The following MTERF4 variants were observed in gnomAD, a reference collection of about 807,000 sequenced individuals.
MTERF4 encodes the protein transcription termination factor 4, mitochondrial.
Under a neutral mutation model 22.5 loss-of-function variants are expected in MTERF4, and 17 were observed. The observed-to-expected ratio is 0.75, with a 90% CI of 0.52 to 1.13. The LOEUF (loss-of-function observed/expected upper bound fraction) is 1.13, where lower values mean the gene tolerates loss of function less well. Ranked by LOEUF, MTERF4 falls within the 50% of genes most tolerant of loss-of-function variation. MTERF4 has a pLI of 0.00. For missense variants in MTERF4, 420 were observed against 466.8 expected, an observed-to-expected ratio of 0.90 and a Z score of 0.92; for synonymous variants, 165 against 175.3, an observed-to-expected ratio of 0.94 and a Z score of 0.47.
chr2:241,080,283 C>T lies in MTERF4; in HGVS notation n.480-4601G>A, dbSNP rs56987892. Among the ~76,000 whole-genome samples, 1,439 of 152,112 alleles carry T rather than the reference C, an allele frequency of 9.5e-3. 16 individuals carry two copies. The highest frequency in any genetic ancestry group is 0.034 in the Middle Eastern group (10 of 294). ...TGGGCAACAGAGCAAGACTCCATCT[C>T]AAAATAAATAAATAAAATCTTGTTT... On this transcript the variant is annotated intron_variant and non_coding_transcript_variant, in intron 4 of 4. Transcript: ENST00000464344.
chr2:241,051,398 G>C, the MTERF4 span: 6 of 239,864 alleles, frequency 2.5e-5, no homozygotes, highest in Non-Finnish European at 3.2e-5. The surrounding 1 kb of genome is among the most constrained non-coding windows in gnomAD (Gnocchi z 4.7). Flanking sequence ...CTTCCTGTCA[G>C]ATGGGGAATG....
At chr2:241,065,514 A>G in the MTERF4 span, 7 of 1,612,824 alleles carry the variant, frequency 4.3e-6, no homozygotes, top group African/African-American at 1.3e-5. Context: ...CAGGGCCTAC[A>G]ACATCTCCGT....
the MTERF4 span, among the ~76,000 whole-genome samples, chr2:241,047,839 T>C: frequency 6.6e-6 from 1 of 151,996 alleles, no homozygotes; most frequent in Non-Finnish European, 1.5e-5. Context: ...CTGGTGCTTC[T>C]TGTTCTGTCC....
chr2:241,077,459 A>T (rs1335614629), intron 4 of MTERF4, among the ~76,000 whole-genome samples: 2 of 152,194 alleles, frequency 1.3e-5, no homozygotes, highest in South Asian at 2.1e-4. Context: ...GCCTCAAAGG[A>T]TGCCATCAAG....
At chr2:241,043,497 C>CA in the MTERF4 span, among the ~76,000 whole-genome samples, 4 of 151,354 alleles carry the variant, frequency 2.6e-5, no homozygotes, top group South Asian at 4.2e-4. Flanking sequence ...ACCTGCATTA[C>CA]AAAAAAATGT....
the MTERF4 span, chr2:241,063,247 T>C: frequency 8.3e-6 from 4 of 481,346 alleles, no homozygotes; most frequent in Non-Finnish European, 1.5e-5. Context: ...TGCACACTCT[T>C]GTACCTCGCT....
chr2:241,063,432 T>G, the MTERF4 span: 8 of 647,900 alleles, frequency 1.2e-5, no homozygotes, highest in Non-Finnish European at 1.7e-5. Context: ...GAGGGGTGGG[T>G]TTGGGGCTGA....
the MTERF4 span, among the ~76,000 whole-genome samples, chr2:241,060,427 C>A: frequency 6.6e-6 from 1 of 152,200 alleles, no homozygotes; most frequent in African/African-American, 2.4e-5. Context: ...TGGTGATCCA[C>A]CCGCCTTGGG....
intron 4 of MTERF4, among the ~76,000 whole-genome samples, chr2:241,078,382 C>CA (rs60965517): frequency 0.033 from 3,829 of 116,112 alleles, 224 homozygotes; most frequent in African/African-American, 0.12. Flanking sequence ...GACTCCGTCT[C>CA]AAAAAAAAAA....
chr2:241,084,897 T>C (rs1288662106), downstream of MTERF4, among the ~76,000 whole-genome samples: 1 of 152,204 alleles, frequency 6.6e-6, no homozygotes, highest in Non-Finnish European at 1.5e-5. Context: ...GAATATAGAC[T>C]TCTTGATTGA....
chr2:241,064,977 C>G, the MTERF4 span: 2 of 1,541,362 alleles, frequency 1.3e-6, no homozygotes, highest in Admixed American at 2.1e-5. The surrounding 1 kb of genome is among the most constrained non-coding windows in gnomAD (Gnocchi z 7.0). Flanking sequence ...GAGGGCGCCT[C>G]CAGTGAGGGA....
At chr2:241,099,131 G>T in intron 2 of MTERF4, 1 of 348,936 alleles carries the variant, frequency 2.9e-6, no homozygotes, top group Non-Finnish European at 5.2e-6. Flanking sequence ...CTGGAGTGCA[G>T]TGGCGCCATC....
chr2:241,052,479 C>T, the MTERF4 span: 11 of 1,585,646 alleles, frequency 6.9e-6, no homozygotes, highest in Non-Finnish European at 9.5e-6. Context: ...GTGAGAGGGT[C>T]AGGGGGATCA....
Position 241,099,812 on chromosome 2 carries a change from G to A in MTERF4, c.104C>T (p.Thr35Met), listed in dbSNP as rs763068285. ...QTPHLGEQRR[T>M]TASLLRKLTT... ...CAGTTTGCGCAACAAAGAAGCTGTC[G>A]TCCTTCTCTGTTCTCCAAGATGAGG... is the stretch of plus-strand genomic sequence containing the variant. Residue 35 changes from threonine to methionine, a missense_variant, in exon 2 of 4, where the codon ACG (threonine) becomes ATG (methionine). Thr to Met is a moderately conservative substitution (Grantham distance 81, BLOSUM62 -1). Coordinates refer to ENST00000391980, the MANE Select transcript of MTERF4 (RefSeq NM_182501.4). 3.5e-5 allele frequency: 57 copies of A among 1,613,950 alleles called. No individual in the cohort carries two copies. The highest frequency in any genetic ancestry group is 4.3e-5 in the Non-Finnish European group (51 of 1,180,032).
intron 1 of MTERF4, 44 bp downstream of exon 1, chr2:241,102,209 C>G: frequency 6.5e-7 from 1 of 1,547,898 alleles, no homozygotes; most frequent in East Asian, 2.4e-5. Context: ...CGCTGCCCGC[C>G]CGCCTGCGAC....
chr2:241,071,484 CTGAG>C, downstream of MTERF4: 2 of 1,434,814 alleles, frequency 1.4e-6, no homozygotes, highest in Non-Finnish European at 9.5e-7. Context: ...CCAAGCACGG[CTGAG>C]TGTGAGGGGC....
chr2:241,093,438 T>C (rs1039335878), downstream of MTERF4: 17 of 149,180 alleles, frequency 1.1e-4, no homozygotes, highest in African/African-American at 4.4e-4. Context: ...AATGCTAATA[T>C]GCTCCAGTGT....
At chr2:241,095,060 GCC>G (rs10573691), downstream of MTERF4, 22,359 of 90,334 alleles carry the variant, frequency 0.25, 3,088 homozygotes, top group African/African-American at 0.28. Flanking sequence ...AAGGTGACAC[GCC>G]CCCCCCCCCC....
chr2:241,049,216 G>A, the MTERF4 span: 5 of 1,070,194 alleles, frequency 4.7e-6, no homozygotes, highest in African/African-American at 3.1e-5. Context: ...GGCAGGCAGA[G>A]GCCAGAGTCC....
Sources: allele counts gnomAD v4.1 joint callset (sites outside exome capture counted in the v4.1 genomes callset), GRCh38; gene constraint gnomAD v4.1.1; non-coding constraint Gnocchi (gnomAD v3.1); transcripts MANE v1.5; gene names NCBI Gene and HGNC (gene_info 2026-07-23, HGNC 2026-07-21).